The following CNTN1 variants were observed in gnomAD, a reference collection of about 807,000 sequenced individuals.
The protein encoded by CNTN1 is contactin 1.
CNTN1 carries 38 observed loss-of-function variants against 126.4 expected under a neutral mutation model. That is an observed-to-expected ratio of 0.30 (90% confidence interval 0.23 to 0.39). CNTN1 has a LOEUF of 0.39. CNTN1 is among the 10% of genes least tolerant of loss of function. The pLI is 1.00. For missense variants in CNTN1, 1,009 were observed against 1,248.4 expected (o/e 0.81, Z 2.89); for synonymous variants, 413 against 422.6 (o/e 0.98, Z 0.28).
Position 40,936,887 on chromosome 12 carries a change from G to A in CNTN1, c.1092G>A (p.Trp364Ter). The change falls in exon 10 of 24, where the codon TGG becomes TGA. Residue 364 changes from tryptophan (W) to a stop codon, truncating the protein, a stop_gained. Coordinates refer to ENST00000551295, the MANE Select transcript of CNTN1 (RefSeq NM_001843.4). LOFTEE classifies it high-confidence loss of function. ...GAAAGCCCATCCCTACAATCCGATGGTTGAAAAATGGATATGCGGTATGTA... is the reference window on the plus strand; with the variant it reads ...GAAAGCCCATCCCTACAATCCGATGATTGAAAAATGGATATGCGGTATGTA... ...ATGKPIPTIR[W>*]LKNGYAYHKG... 6.2e-7 allele frequency: 1 copy of A among 1,613,094 alleles called. No individual in the cohort carries two copies. The highest frequency in any genetic ancestry group is 8.5e-7 in the Non-Finnish European group (1 of 1,179,304).
chr12:41,063,190 G>A (rs1016756264), intron 23 of CNTN1, among the ~76,000 whole-genome samples: 7 of 152,236 alleles, frequency 4.6e-5, no homozygotes, highest in African/African-American at 1.7e-4. Flanking sequence ...CACTGAAAGT[G>A]TTGTCTTCAG....
intron 1 of CNTN1, among the ~76,000 whole-genome samples, chr12:40,693,408 C>A (rs559420648): frequency 1.3e-5 from 2 of 152,302 alleles, no homozygotes; most frequent in African/African-American, 4.8e-5. Flanking sequence ...GAGGCTGCCT[C>A]CCTAGGTGAC....
intron 1 of CNTN1, among the ~76,000 whole-genome samples, chr12:40,779,668 G>A (rs1939717358): frequency 6.6e-6 from 1 of 151,828 alleles, no homozygotes; most frequent in Admixed American, 6.6e-5. Context: ...ATTATTGACT[G>A]TAAAACAGTT....
intron 1 of CNTN1, among the ~76,000 whole-genome samples, chr12:40,747,777 C>A (rs1592043116): frequency 6.6e-6 from 1 of 150,702 alleles, no homozygotes; most frequent in South Asian, 2.1e-4. Context: ...GATTTGATGC[C>A]AAAAAAAAGT....
At chr12:40,758,215 T>C (rs976388796) in intron 1 of CNTN1, among the ~76,000 whole-genome samples, 6 of 151,756 alleles carry the variant, frequency 4.0e-5, no homozygotes, top group Admixed American at 3.9e-4. Flanking sequence ...ATAATTTACA[T>C]TTTTAAGCCT....
chr12:40,694,715 G>T (rs1331430076), intron 1 of CNTN1, among the ~76,000 whole-genome samples: 1 of 152,156 alleles, frequency 6.6e-6, no homozygotes, highest in South Asian at 2.1e-4. Context: ...AATCTACCAA[G>T]TTACCATCAT....
intron 23 of CNTN1, among the ~76,000 whole-genome samples, chr12:41,029,880 A>G (rs1361841027): frequency 6.6e-6 from 1 of 152,006 alleles, no homozygotes; most frequent in African/African-American, 2.4e-5. Context: ...TGATTTGGAA[A>G]TACATATATT....
rs371931223 is a variant in CNTN1, at chr12:40,911,371, T to C, written c.94+1266T>C. On this transcript the variant is annotated intron_variant, in intron 3 of 23. Transcript: ENST00000551295. ...CTAGGATTACAGGCGTGAGCCACCG[T>C]GCCCGGCCGCAAAAGGCACTTCTTA... is the stretch of plus-strand genomic sequence containing the variant. 2.5e-3 allele frequency among the ~76,000 whole-genome samples: 376 copies of C among 152,246 alleles called. 1 individual carries two copies. Among genetic ancestry groups the C allele is most frequent in the African/African-American group, 5.0e-3 (206 of 41,544 alleles).
intron 1 of CNTN1, among the ~76,000 whole-genome samples, chr12:40,722,345 G>A (rs1241458503): frequency 3.3e-5 from 5 of 152,074 alleles, no homozygotes; most frequent in Admixed American, 2.6e-4. Flanking sequence ...AAATATGGAT[G>A]TCTTTGATTA....
At chr12:41,062,660 A>G (rs1402773327) in intron 23 of CNTN1, among the ~76,000 whole-genome samples, 8 of 152,194 alleles carry the variant, frequency 5.3e-5, no homozygotes, top group African/African-American at 1.7e-4. Context: ...TTTTACCTCA[A>G]TAGCTTCACA....
intron 1 of CNTN1, among the ~76,000 whole-genome samples, chr12:40,871,666 G>A (rs1035451721): frequency 7.2e-5 from 11 of 152,120 alleles, no homozygotes; most frequent in South Asian, 2.1e-4. Context: ...TGTATAAAAT[G>A]TTAAGGTTAT....
At chr12:40,821,927 A>G (rs548768625) in intron 1 of CNTN1, among the ~76,000 whole-genome samples, 5 of 151,906 alleles carry the variant, frequency 3.3e-5, no homozygotes, top group African/African-American at 1.2e-4. Context: ...TTTAAAATAT[A>G]TTATTGATAT....
At chr12:40,930,524 G>A (rs1279049040) in intron 7 of CNTN1, among the ~76,000 whole-genome samples, 1 of 151,908 alleles carries the variant, frequency 6.6e-6, no homozygotes, top group East Asian at 1.9e-4. Flanking sequence ...TAGCACCATG[G>A]CAGATGACAC....
intron 23 of CNTN1, among the ~76,000 whole-genome samples, chr12:41,036,855 C>T (rs1949278955): frequency 6.6e-6 from 1 of 152,160 alleles, no homozygotes; most frequent in Non-Finnish European, 1.5e-5. Flanking sequence ...ACTTGCCAAA[C>T]TGTCATCTAA....
intron 1 of CNTN1, among the ~76,000 whole-genome samples, chr12:40,895,754 GA>G (rs1387218695): frequency 2.3e-5 from 3 of 132,566 alleles, no homozygotes; most frequent in Non-Finnish European, 3.1e-5. Context: ...TGTGCTTCAA[GA>G]TTTTTTTTTT....
intron 1 of CNTN1, among the ~76,000 whole-genome samples, chr12:40,807,463 C>T (rs566901917): frequency 2.0e-5 from 3 of 152,156 alleles, no homozygotes; most frequent in East Asian, 3.9e-4. Context: ...TGGCTCTAGC[C>T]TTGTCTAAAA....
chr12:41,058,739 A>G (rs554687143), intron 23 of CNTN1, among the ~76,000 whole-genome samples: 1 of 152,198 alleles, frequency 6.6e-6, no homozygotes, highest in East Asian at 1.9e-4. Flanking sequence ...CTGTGCAGAT[A>G]CAATCCAAGG....
chr12:40,982,374 T>C (rs1454430878), intron 16 of CNTN1, among the ~76,000 whole-genome samples: 1 of 152,182 alleles, frequency 6.6e-6, no homozygotes, highest in Admixed American at 6.5e-5. Context: ...ATGATAATAA[T>C]GAAACTATTA....
intron 1 of CNTN1, among the ~76,000 whole-genome samples, chr12:40,742,913 C>T (rs1348234407): frequency 6.6e-6 from 1 of 152,038 alleles, no homozygotes. Context: ...CCAATCCCTA[C>T]TCTGGATGAG....
Sources: allele counts gnomAD v4.1 joint callset (sites outside exome capture counted in the v4.1 genomes callset), GRCh38; gene constraint gnomAD v4.1.1; transcripts MANE v1.5; gene names NCBI Gene and HGNC (gene_info 2026-07-23, HGNC 2026-07-21).